Variants in GAB3 observed in about 807,000 individuals in gnomAD.
GAB3 encodes GRB2-associated-binding protein 3.
In GAB3, 12 loss-of-function variants were observed where a neutral mutation model predicts 40.4. The observed-to-expected ratio is 0.30, with a 90% CI of 0.19 to 0.48. The LOEUF (loss-of-function observed/expected upper bound fraction) is 0.48, where lower values mean the gene tolerates loss of function less well. Ranked by LOEUF, GAB3 falls within the 20% of genes least tolerant of loss-of-function variation. The pLI, the probability that GAB3 is intolerant of heterozygous loss-of-function variation, is 0.99. For synonymous variants in GAB3, 154 were observed against 176.7 expected, an observed-to-expected ratio of 0.87 and a Z score of 1.02; for missense variants, 381 against 461.9, an observed-to-expected ratio of 0.82 and a Z score of 1.61.
At position 154,721,650 on chromosome X, in the gene GAB3, A is replaced by G. The variant is rs957652303; in HGVS notation, c.73-5321T>C. Reference sequence around the variant, plus strand: ...GACACATTCAAGTATAGCAACAGGTATATGAAAAGATGCTCGATATCACTA... The same window carrying G: ...GACACATTCAAGTATAGCAACAGGTGTATGAAAAGATGCTCGATATCACTA... On this transcript the variant is annotated intron_variant, in intron 1 of 9. Transcript: ENST00000424127. Among the ~76,000 whole-genome samples, 5 of 112,482 alleles carry G rather than the reference A, an allele frequency of 4.4e-5. No individual in the cohort carries two copies. The Admixed American group carries it at 4.7e-4, about 11-fold the overall frequency.
intron 8 of GAB3, among the ~76,000 whole-genome samples, chrX:154,695,143 G>A (rs185664911): frequency 3.2e-4 from 36 of 111,593 alleles, no homozygotes; most frequent in Non-Finnish European, 5.6e-4. Context: ...TCAAAATTTC[G>A]TAGTTCAAAC....
intron 4 of GAB3, among the ~76,000 whole-genome samples, chrX:154,710,523 GGGGCGCTGGAGAGCCATGGGGACAGGACA>G (rs2148451918): frequency 8.9e-6 from 1 of 111,789 alleles, no homozygotes; most frequent in South Asian, 3.8e-4. Flanking sequence ...TATGGCAGAG[GGGGCGCTGGAGAGCCATGGGGACAGGACA>G]GCCTTGCAGG....
chrX:154,709,338 T>G (rs1043479985), intron 4 of GAB3, among the ~76,000 whole-genome samples: 3 of 83,858 alleles, frequency 3.6e-5, no homozygotes, highest in Non-Finnish European at 7.4e-5. Context: ...TTTTTTTTTT[T>G]GAGACGAAGT....
In GAB3 at chrX:154,677,901, C is replaced by G; in HGVS notation, c.*277G>C. On this transcript the variant is annotated 3_prime_UTR_variant, in exon 10 of 10. Transcript: ENST00000424127. ...ATAAAATCCTGTTGGTGGCAACACT[C>G]ACTCCAATCTTTGCTCCAATAGGAC... 3.3e-6 allele frequency: 1 copy of G among 298,954 alleles called. No homozygotes were observed. The highest frequency in any genetic ancestry group is 4.8e-5 in the East Asian group (1 of 20,959). The allele number at this position is 298,954 out of a possible 1,213,427, so 24.6% of individuals were successfully genotyped here.
chrX:154,712,483 G>A lies in GAB3; in HGVS notation c.815C>T (p.Ser272Phe). The A allele has an allele frequency of 8.3e-7, 1 of 1,210,398 alleles. No individual in the cohort carries two copies. The highest frequency in any genetic ancestry group is 1.1e-6 in the Non-Finnish European group (1 of 894,597). ...GGAACTTTCCAGCAATGGTGAAGAA[G>A]ACAAGTGGTCCCTGGGTGGCCCATT... is the stretch of plus-strand genomic sequence containing the variant. ...EINGPPRDHLSSSPLLESSLS... is the reference protein window; with the variant it reads ...EINGPPRDHLFSSPLLESSLS... Residue 272 changes from serine to phenylalanine, a missense_variant, in exon 4 of 10, where the codon TCT becomes TTT. Coordinates refer to ENST00000424127, the MANE Select transcript of GAB3 (RefSeq NM_001081573.3).
chrX:154,697,273 A>C, intron 6 of GAB3, 60 bp from the exon 7 acceptor site: 1 of 812,307 alleles, frequency 1.2e-6, no homozygotes, highest in South Asian at 2.9e-5. Flanking sequence ...CTGTAAAACT[A>C]TGACATTTCA....
intron 8 of GAB3, among the ~76,000 whole-genome samples, chrX:154,691,889 C>T (rs193076794): frequency 1.6e-4 from 18 of 111,513 alleles, no homozygotes; most frequent in African/African-American, 5.9e-4. Context: ...TCAATGAGAG[C>T]GCCAGGACCA....
At chrX:154,705,016 G>A (rs1054187817) in intron 4 of GAB3, among the ~76,000 whole-genome samples, 3 of 111,112 alleles carry the variant, frequency 2.7e-5, no homozygotes, top group Non-Finnish European at 5.7e-5. Flanking sequence ...AACATTTGAA[G>A]AAGAGGTGAC....
chrX:154,709,537 C>G (rs1054810162), intron 4 of GAB3, among the ~76,000 whole-genome samples: 1 of 109,240 alleles, frequency 9.2e-6, no homozygotes, highest in African/African-American at 3.3e-5. Flanking sequence ...CCAGGCTGGT[C>G]TTGAACCTCT....
chrX:154,709,209 G>C (rs782202859), intron 4 of GAB3, among the ~76,000 whole-genome samples: 74 of 111,107 alleles, frequency 6.7e-4, no homozygotes, highest in Non-Finnish European at 1.3e-3. Flanking sequence ...TTCCATGATT[G>C]TAAGTTTCCT....
At chrX:154,709,982 CAGTGATAAGTGAACA>C (rs782753871) in intron 4 of GAB3, among the ~76,000 whole-genome samples, 1 of 112,048 alleles carries the variant, frequency 8.9e-6, no homozygotes, top group South Asian at 3.7e-4. Context: ...TACAAACTTT[CAGTGATAAGTGAACA>C]AGTCTGGGGG....
At chrX:154,749,488 C>T (rs1157592847) in intron 1 of GAB3, among the ~76,000 whole-genome samples, 1 of 112,270 alleles carries the variant, frequency 8.9e-6, no homozygotes, top group Non-Finnish European at 1.9e-5. Context: ...AGCAGGTTTT[C>T]TTCTCTTGCC....
chrX:154,697,976 G>A, intron 6 of GAB3, among the ~76,000 whole-genome samples: 1 of 112,130 alleles, frequency 8.9e-6, no homozygotes, highest in Non-Finnish European at 1.9e-5. Flanking sequence ...CCAACCCTGA[G>A]TCTGTCAGAC....
intron 9 of GAB3, among the ~76,000 whole-genome samples, chrX:154,679,729 G>A (rs887625189): frequency 9.0e-6 from 1 of 111,611 alleles, no homozygotes; most frequent in African/African-American, 3.3e-5. Flanking sequence ...CAGCATTCAA[G>A]GCCCCTTACT....
intron 1 of GAB3, among the ~76,000 whole-genome samples, chrX:154,724,858 T>C (rs1228429429): frequency 8.9e-6 from 1 of 111,969 alleles, no homozygotes; most frequent in Non-Finnish European, 1.9e-5. Context: ...TGCGAGTACC[T>C]GCAAGGCTGA....
chrX:154,680,891 C>T (rs181235029), intron 8 of GAB3, among the ~76,000 whole-genome samples: 1 of 112,247 alleles, frequency 8.9e-6, no homozygotes, highest in Non-Finnish European at 1.9e-5. Context: ...GCATTTTGGG[C>T]GGCTTCAGTT....
At chrX:154,738,492 T>C (rs2071394470) in intron 1 of GAB3, among the ~76,000 whole-genome samples, 1 of 112,351 alleles carries the variant, frequency 8.9e-6, no homozygotes, top group Non-Finnish European at 1.9e-5. Flanking sequence ...CACGATTATT[T>C]GGGCAGCATA....
At chrX:154,699,805 G>A (rs2070714162) in intron 5 of GAB3, among the ~76,000 whole-genome samples, 199 bp downstream of exon 5, 2 of 112,054 alleles carry the variant, frequency 1.8e-5, no homozygotes, top group Non-Finnish European at 1.9e-5. Flanking sequence ...TTGAGCAAGT[G>A]TCTGAACCAT....
chrX:154,733,616 T>C (rs1222530213), intron 1 of GAB3, among the ~76,000 whole-genome samples: 2 of 112,321 alleles, frequency 1.8e-5, no homozygotes, highest in African/African-American at 6.5e-5. Context: ...TCCTCCTTTA[T>C]GGTTTTTCCT....
Sources: allele counts gnomAD v4.1 joint callset (sites outside exome capture counted in the v4.1 genomes callset), GRCh38; gene constraint gnomAD v4.1.1; transcripts MANE v1.5; gene names NCBI Gene and HGNC (gene_info 2026-07-23, HGNC 2026-07-21).